NLGN4X: variants seen among roughly 807,000 people sequenced by gnomAD.
The protein encoded by NLGN4X is neuroligin 4 X-linked, also known as neuroligin-4, X-linked.
NLGN4X carries 3 observed loss-of-function variants against 40.3 expected under a neutral mutation model. The ratio of observed to expected loss-of-function variants is 0.07; its 90% confidence interval spans 0.03 to 0.19. The LOEUF (loss-of-function observed/expected upper bound fraction) is 0.19. Among genes scored for constraint, NLGN4X ranks in the 10% least tolerant of loss-of-function variants. The probability of loss-of-function intolerance (pLI) is 1.00; values close to 1 mark genes in which losing one functional copy is unlikely to be tolerated. For synonymous variants in NLGN4X, 270 were observed against 306.8 expected (o/e 0.88, Z 1.25); for missense variants, 382 against 708.3 (o/e 0.54, Z 5.23).
At chrX:5,973,045 G>A (rs1291190829) in intron 3 of NLGN4X, among the ~76,000 whole-genome samples, 1 of 112,365 alleles carries the variant, frequency 8.9e-6, no homozygotes, top group Non-Finnish European at 1.9e-5. Flanking sequence ...AAGTTAAACT[G>A]CATTATGCAA....
In NLGN4X at chrX:6,152,210, T is replaced by C. The variant is rs759917076; in HGVS notation, c.-305-439A>G. Among the ~76,000 whole-genome samples the C allele has an allele frequency of 4.5e-5, 5 of 111,702 alleles. No individual in the cohort carries two copies. The East Asian group carries it at 1.1e-3, about 25-fold the overall frequency. ...CCCTCGACCTTTCAAAGTGTTGGGA[T>C]TACAGGCATGAGTCACCATGCCTAG... On this transcript the variant is annotated intron_variant, in intron 1 of 5. Transcript: ENST00000381095.
chrX:5,990,505 A>C (rs1038335116), intron 3 of NLGN4X, among the ~76,000 whole-genome samples: 2 of 112,014 alleles, frequency 1.8e-5, no homozygotes, highest in Non-Finnish European at 3.8e-5. Context: ...TATACTAATA[A>C]TGAGGTATGT....
At chrX:6,122,430 G>T (rs963882008) in intron 2 of NLGN4X, among the ~76,000 whole-genome samples, 1 of 109,748 alleles carries the variant, frequency 9.1e-6, no homozygotes, top group East Asian at 2.9e-4. Context: ...GTAGAGATGG[G>T]GTTTCACCAT....
chrX:6,072,039 T>G (rs994888296), intron 2 of NLGN4X, among the ~76,000 whole-genome samples: 1 of 110,630 alleles, frequency 9.0e-6, no homozygotes, highest in African/African-American at 3.3e-5. Flanking sequence ...TCCTTTTTTT[T>G]CCCATGAGCT....
chrX:6,033,011 G>A (rs1410180262), intron 2 of NLGN4X, among the ~76,000 whole-genome samples: 1 of 98,244 alleles, frequency 1.0e-5, no homozygotes, highest in African/African-American at 3.7e-5. Flanking sequence ...CTGTGAATAT[G>A]CAGTTGGGGG....
At chrX:6,027,147 T>TGC (rs1178945310) in intron 3 of NLGN4X, among the ~76,000 whole-genome samples, 1 of 112,148 alleles carries the variant, frequency 8.9e-6, no homozygotes, top group Non-Finnish European at 1.9e-5. Flanking sequence ...GTGCACACAC[T>TGC]GCTCCCTTTG....
At chrX:6,180,115 A>T (rs1176218155) in intron 1 of NLGN4X, among the ~76,000 whole-genome samples, 3 of 112,228 alleles carry the variant, frequency 2.7e-5, no homozygotes, top group Non-Finnish European at 5.6e-5. Flanking sequence ...GCTTTAAAAC[A>T]AGTAACAAGC....
chrX:5,895,470 T>C (rs1414927214), intron 5 of NLGN4X, among the ~76,000 whole-genome samples: 1 of 111,717 alleles, frequency 9.0e-6, no homozygotes, highest in East Asian at 2.8e-4. Flanking sequence ...ACTGAATTTC[T>C]ATATTGTATA....
intron 1 of NLGN4X, among the ~76,000 whole-genome samples, chrX:6,167,195 G>A (rs964274861): frequency 6.3e-5 from 7 of 110,709 alleles, no homozygotes; most frequent in East Asian, 5.7e-4. Flanking sequence ...ATCTCTCCCC[G>A]GTAACCTTTG....
intron 1 of NLGN4X, among the ~76,000 whole-genome samples, chrX:6,196,509 G>A (rs772641086): frequency 1.5e-4 from 13 of 85,308 alleles, no homozygotes; most frequent in African/African-American, 4.5e-4. Context: ...CCGAGATGGC[G>A]CCACTGCACT....
At chrX:5,962,048 G>C (rs754924670) in intron 3 of NLGN4X, among the ~76,000 whole-genome samples, 1 of 111,993 alleles carries the variant, frequency 8.9e-6, no homozygotes, top group African/African-American at 3.2e-5. Context: ...CTGTCTCCAT[G>C]TTACTGTAAA....
At chrX:6,188,802 A>G (rs761874123) in intron 1 of NLGN4X, among the ~76,000 whole-genome samples, 34 of 112,041 alleles carry the variant, frequency 3.0e-4, no homozygotes, top group African/African-American at 1.0e-3. Context: ...GAATTGGACT[A>G]AGTCATCCTA....
chrX:6,021,953 A>G (rs1163104325), intron 3 of NLGN4X, among the ~76,000 whole-genome samples: 1 of 110,100 alleles, frequency 9.1e-6, no homozygotes, highest in Admixed American at 9.7e-5. Flanking sequence ...TCTTCCTTCC[A>G]CCTTTTGCTA....
At position 5,908,981 on chromosome X, in the gene NLGN4X, G is replaced by A. The variant is rs185540106; in HGVS notation, c.811+73C>T. The A allele has an allele frequency of 1.9e-5, 21 of 1,111,335 alleles. No homozygotes were observed. The East Asian group carries it at 5.4e-4, about 29-fold the overall frequency. The allele number at this position is 1,111,335 out of a possible 1,213,427, so 91.6% of individuals were successfully genotyped here. ...CTTCTGGTAACCAGGACATGCATCT[G>A]AGATATGAACTCTGACCATTCATTT... On this transcript the variant is annotated intron_variant, in intron 4 of 5. Transcript: ENST00000381095.
intron 2 of NLGN4X, among the ~76,000 whole-genome samples, chrX:6,051,212 TTAA>T (rs2037483724): frequency 8.9e-6 from 1 of 111,952 alleles, no homozygotes; most frequent in Non-Finnish European, 1.9e-5. Flanking sequence ...CTCCTATGTA[TTAA>T]TGTCTATGAT....
chrX:5,906,155 A>G (rs2032162142), intron 4 of NLGN4X, among the ~76,000 whole-genome samples: 1 of 112,378 alleles, frequency 8.9e-6, no homozygotes, highest in Admixed American at 9.4e-5. Context: ...TACAATTGTG[A>G]TTATATCAAT....
intron 1 of NLGN4X, among the ~76,000 whole-genome samples, chrX:6,184,487 A>G: frequency 1.9e-5 from 2 of 107,666 alleles, no homozygotes; most frequent in Middle Eastern, 4.7e-3. Context: ...AGATAAGTCA[A>G]TGCTAAATAA....
At chrX:6,199,690 C>T (rs1923423476) in intron 1 of NLGN4X, among the ~76,000 whole-genome samples, 1 of 111,499 alleles carries the variant, frequency 9.0e-6, no homozygotes. Context: ...CTTCCAGGCA[C>T]GGACCAGAAT....
rs1921360 is a variant in NLGN4X at position 5,902,920 on chromosome X, G to T, written c.1601+157C>A. ...GGGGGAGAAGCTGCCTGTTACTGCT[G>T]TGTGTGTAAGCGTGTGTCTGTGTGT... On this transcript the variant is annotated intron_variant, in intron 5 of 5. Transcript: ENST00000381095. 0.32 allele frequency among the ~76,000 whole-genome samples: 35,460 copies of T among 111,344 alleles called. 4,995 individuals are homozygous for T. Among genetic ancestry groups the T allele is most frequent in the East Asian group, 0.61 (2,101 of 3,470 alleles).
Sources: allele counts gnomAD v4.1 joint callset (sites outside exome capture counted in the v4.1 genomes callset), GRCh38; gene constraint gnomAD v4.1.1; transcripts MANE v1.5; gene names NCBI Gene and HGNC (gene_info 2026-07-23, HGNC 2026-07-21).